MPPED1: variants seen among roughly 807,000 people sequenced by gnomAD.
MPPED1 encodes the protein metallophosphoesterase domain containing 1, also known as metallophosphoesterase domain-containing protein 1.
MPPED1 carries 16 observed loss-of-function variants against 36.2 expected under a neutral mutation model. That is an observed-to-expected ratio of 0.44 (90% CI 0.30 to 0.67). The LOEUF (loss-of-function observed/expected upper bound fraction) is 0.67, where lower values mean the gene tolerates loss of function less well. Among genes scored for constraint, MPPED1 ranks in the 30% least tolerant of loss-of-function variants. The pLI, the probability that MPPED1 is intolerant of heterozygous loss-of-function variation, is 0.10. For synonymous variants in MPPED1, 199 were observed against 191.3 expected, an observed-to-expected ratio of 1.04 and a Z score of -0.33; for missense variants, 307 against 453.4, an observed-to-expected ratio of 0.68 and a Z score of 2.93.
chr22:43,490,626 G>A (rs185810349), intron 4 of MPPED1, among the ~76,000 whole-genome samples: 5 of 152,210 alleles, frequency 3.3e-5, no homozygotes, highest in Non-Finnish European at 5.9e-5. Flanking sequence ...ACCAACAGAC[G>A]TGTTCTCTCC....
At chr22:43,419,416 G>A (rs1239616843) in intron 1 of MPPED1, among the ~76,000 whole-genome samples, 2 of 152,138 alleles carry the variant, frequency 1.3e-5, no homozygotes, top group African/African-American at 2.4e-5. Context: ...GAACGCAGGG[G>A]TGGGGTTGGG....
At position 43,434,336 on chromosome 22, in the gene MPPED1, T is replaced by C. The variant is rs546882044; in HGVS notation, c.225-698T>C. On this transcript the variant is annotated intron_variant, in intron 2 of 6. Coordinates refer to ENST00000443721, the MANE Select transcript of MPPED1 (RefSeq NM_001044370.2). The stretch of plus-strand genomic sequence containing the variant: ...CTTACGGTTTTGAGAAATGGACTCC[T>C]TTCCTTTAGGGTCTTTATTTCACAC... Among the ~76,000 whole-genome samples the C allele has an allele frequency of 2.0e-5, 3 of 152,318 alleles. No homozygotes were observed. The South Asian group carries it at 6.2e-4, about 32-fold the overall frequency.
intron 2 of MPPED1, among the ~76,000 whole-genome samples, chr22:43,431,021 A>ATTTTTTTTTTTTTTTTTTTTT (rs135076): frequency 4.7e-5 from 2 of 42,278 alleles, no homozygotes; most frequent in African/African-American, 1.3e-4. Flanking sequence ...GTTGTTGTTA[A>ATTTTTTTTTTTTTTTTTTTTT]TTTTTTTTTT....
At chr22:43,441,707 A>G (rs1481942519) in intron 3 of MPPED1, among the ~76,000 whole-genome samples, 1 of 152,224 alleles carries the variant, frequency 6.6e-6, no homozygotes, top group Non-Finnish European at 1.5e-5. Flanking sequence ...CCAAGGATTT[A>G]GTGAAATAGA....
chr22:43,474,712 G>C lies in MPPED1; in HGVS notation c.407-24G>C, dbSNP rs372489985. On this transcript the variant is annotated intron_variant, in intron 3 of 6. Transcript: ENST00000443721. The surrounding 1 kb of genome is among the most constrained non-coding windows in gnomAD (Gnocchi z 5.2). ...ACAAGCTGACGGCTGTGTGCTGTGT[G>C]TCTGTCTGTGTCCACCCCTGCAGGC... 5.3e-5 allele frequency: 86 copies of C among 1,611,592 alleles called. No homozygotes were observed. In the African/African-American group the frequency reaches 8.7e-4, roughly 16 times the overall value.
In MPPED1 at chr22:43,469,059, A is replaced by G. The variant is rs1053612487; in HGVS notation, c.407-5677A>G. 3.1e-4 allele frequency among the ~76,000 whole-genome samples: 47 copies of G among 152,088 alleles called. 1 individual carries two copies. The highest frequency in any genetic ancestry group is 3.0e-3 in the Admixed American group (46 of 15,272). On this transcript the variant is annotated intron_variant, in intron 3 of 6. Transcript: ENST00000443721. ...GTGCCCATCTTTGGTCCAGGGGGTC[A>G]CGTTATGTTCTGGTCTCCAAGGTTG...
intron 3 of MPPED1, among the ~76,000 whole-genome samples, chr22:43,462,589 A>G (rs749963766): frequency 5.9e-5 from 9 of 152,190 alleles, no homozygotes; most frequent in Non-Finnish European, 1.3e-4. Flanking sequence ...ATTTTTTAAA[A>G]GTAGTTAATT....
chr22:43,414,741 C>G (rs6003191), intron 1 of MPPED1, among the ~76,000 whole-genome samples: 1 of 151,902 alleles, frequency 6.6e-6, no homozygotes, highest in African/African-American at 2.4e-5. Context: ...CCTCCCTCAC[C>G]GGGAACAAAA....
intron 3 of MPPED1, among the ~76,000 whole-genome samples, chr22:43,445,965 G>C (rs1386734277): frequency 6.9e-6 from 1 of 145,434 alleles, no homozygotes; most frequent in Non-Finnish European, 1.5e-5. Flanking sequence ...CAACCTCCTG[G>C]GATCAGGTGA....
chr22:43,412,166 C>T lies in MPPED1; in HGVS notation c.-79+8C>T, dbSNP rs1302262103. ...AGAGGAGCCCGGGGCCAGGTAGGAC[C>T]GGAGGCGGGCGGGGCGCGGCGGGCG... On this transcript the variant is annotated splice_region_variant and intron_variant, in intron 1 of 6. Transcript: ENST00000443721. The T allele has an allele frequency of 9.2e-6, 9 of 978,056 alleles. No homozygotes were observed. In the East Asian group the frequency reaches 5.8e-4, roughly 63 times the overall value. 60.6% of individuals were successfully genotyped at this position (978,056 alleles called of 1,614,324 possible). A position where few individuals can be genotyped will look rare whatever the true frequency, so the allele number is the denominator to read the frequency against.
intron 3 of MPPED1, among the ~76,000 whole-genome samples, chr22:43,463,593 C>T (rs989198645): frequency 1.3e-5 from 2 of 151,974 alleles, no homozygotes; most frequent in African/African-American, 4.8e-5. Flanking sequence ...CTCTTTTGGT[C>T]AAATTAAAAA....
intron 4 of MPPED1, among the ~76,000 whole-genome samples, chr22:43,490,337 C>G (rs1932044118): frequency 6.6e-6 from 1 of 152,232 alleles, no homozygotes; most frequent in African/African-American, 2.4e-5. Flanking sequence ...CCAGCTCTGC[C>G]TGGGCCTCCC....
At chr22:43,501,301 T>C (rs562181786) in intron 5 of MPPED1, among the ~76,000 whole-genome samples, 3 of 152,294 alleles carry the variant, frequency 2.0e-5, no homozygotes, top group East Asian at 3.9e-4. Flanking sequence ...CCTTCTCTTT[T>C]CATTCCCTCC....
chr22:43,412,744 G>C (rs534164303), intron 1 of MPPED1, among the ~76,000 whole-genome samples: 20 of 152,046 alleles, frequency 1.3e-4, no homozygotes, highest in African/African-American at 4.6e-4. Context: ...TATGTGCTCG[G>C]CCAGGGGATT....
intron 3 of MPPED1, among the ~76,000 whole-genome samples, chr22:43,471,824 T>C (rs1931387113): frequency 6.6e-6 from 1 of 152,082 alleles, no homozygotes; most frequent in African/African-American, 2.4e-5. Flanking sequence ...TTCTTGGAGC[T>C]CTCCCATGAG....
chr22:43,449,422 A>ACCCCCCCCCCCCCCCCCCCCACC (rs135045), intron 3 of MPPED1, among the ~76,000 whole-genome samples: 1 of 127,332 alleles, frequency 7.9e-6, no homozygotes, highest in Admixed American at 8.3e-5. Flanking sequence ...GACAGTGCCA[A>ACCCCCCCCCCCCCCCCCCCCACC]CCCCCCCCGC....
At chr22:43,467,441 T>C (rs879636510) in intron 3 of MPPED1, among the ~76,000 whole-genome samples, 2 of 152,222 alleles carry the variant, frequency 1.3e-5, no homozygotes, top group Admixed American at 6.5e-5. Flanking sequence ...ACACACAGAA[T>C]TCCCTTTCTC....
At chr22:43,444,523 T>A (rs554788875) in intron 3 of MPPED1, among the ~76,000 whole-genome samples, 1 of 151,958 alleles carries the variant, frequency 6.6e-6, no homozygotes, top group African/African-American at 2.4e-5. Context: ...CCAGCCACCA[T>A]GCCTAATTTT....
chr22:43,450,723 CTT>C, intron 3 of MPPED1, among the ~76,000 whole-genome samples: 1 of 151,416 alleles, frequency 6.6e-6, no homozygotes, highest in East Asian at 1.9e-4. Context: ...TGATGGTAGA[CTT>C]TTTTTTTCTT....
Sources: gnomAD v4.1 joint callset for allele counts (sites outside exome capture counted in the v4.1 genomes callset) on GRCh38, gnomAD v4.1.1 for gene constraint, Gnocchi (gnomAD v3.1) non-coding constraint, MANE v1.5 for transcripts, NCBI Gene and HGNC (gene_info 2026-07-23, HGNC 2026-07-21) for gene names.